Variants in PILRB observed in about 807,000 individuals in gnomAD.
The protein encoded by PILRB is paired immunoglobin like type 2 receptor beta, also known as paired immunoglobulin-like type 2 receptor beta.
PILRB carries 21 observed loss-of-function variants against 20.5 expected under a neutral mutation model. The observed-to-expected ratio is 1.02, with a 90% CI of 0.72 to 1.47. The LOEUF (loss-of-function observed/expected upper bound fraction) is 1.47, where lower values mean the gene tolerates loss of function less well. Among genes scored for constraint, PILRB ranks in the 40% most tolerant of loss-of-function variants. The pLI is 0.00. For synonymous variants in PILRB, 133 were observed against 115.1 expected, an observed-to-expected ratio of 1.16 and a Z score of -0.99; for missense variants, 253 against 272.1, an observed-to-expected ratio of 0.93 and a Z score of 0.49.
chr7:100,364,654 A>G (rs575901660), intron 3 of PILRB, among the ~76,000 whole-genome samples: 95 of 152,366 alleles, frequency 6.2e-4, no homozygotes, highest in African/African-American at 2.2e-3. Flanking sequence ...TAGCCTCCAC[A>G]ATATTAAAAG....
chr7:100,360,816 G>A (rs1304331721), intron 3 of PILRB, among the ~76,000 whole-genome samples: 4 of 152,188 alleles, frequency 2.6e-5, no homozygotes, highest in Non-Finnish European at 4.4e-5. Flanking sequence ...AGAAGCACCC[G>A]TTTCCACTTG....
At chr7:100,366,640 G>A (rs1790694971) in intron 3 of PILRB, among the ~76,000 whole-genome samples, 1 of 152,084 alleles carries the variant, frequency 6.6e-6, no homozygotes, top group Non-Finnish European at 1.5e-5. Flanking sequence ...TGAGTCCCAA[G>A]CATGAGGCTC....
chr7:100,366,870 G>A (rs1790705734), intron 3 of PILRB, among the ~76,000 whole-genome samples: 1 of 152,126 alleles, frequency 6.6e-6, no homozygotes, highest in Non-Finnish European at 1.5e-5. Context: ...GTTTTGCGGG[G>A]GCGGTTTCAG....
intron 3 of PILRB, among the ~76,000 whole-genome samples, chr7:100,365,383 G>C (rs1245200217): frequency 1.3e-5 from 2 of 152,216 alleles, no homozygotes; most frequent in Non-Finnish European, 2.9e-5. Context: ...AAATAAGCTA[G>C]TCACAAAAAG....
intron 2 of PILRB, 81 bp downstream of exon 2, chr7:100,359,160 C>T (rs2130095726): frequency 1.3e-6 from 2 of 1,581,042 alleles, no homozygotes; most frequent in East Asian, 4.5e-5. Context: ...CATTTAAACC[C>T]AGTGGTCTGG....
rs1220991044 is a variant in PILRB at position 100,358,326 on chromosome 7, CCTG to C, written c.30_32del (p.Leu13del). The C allele has an allele frequency of 6.2e-7, 1 of 1,612,880 alleles. No individual in the cohort carries two copies. Among genetic ancestry groups the C allele is most frequent in the Non-Finnish European group, 8.5e-7 (1 of 1,179,994 alleles). On this transcript the variant is annotated inframe_deletion, in exon 1 of 4. Transcript: ENST00000609309. ...CCATGGGTCGGCCCCTGCTGCTGCC[CCTG>C]CTGCTCCTGCTGCAGCCGCCAGCAT...
intron 3 of PILRB, among the ~76,000 whole-genome samples, chr7:100,362,859 A>G (rs963910399): frequency 1.3e-5 from 2 of 152,152 alleles, no homozygotes; most frequent in African/African-American, 2.4e-5. Context: ...GAAGGAATGT[A>G]CAGCAACAAA....
At chr7:100,365,480 C>G (rs1433287419) in intron 3 of PILRB, among the ~76,000 whole-genome samples, 1 of 152,078 alleles carries the variant, frequency 6.6e-6, no homozygotes, top group Non-Finnish European at 1.5e-5. Flanking sequence ...GTCAGGGGCA[C>G]AGAGGAGATG....
At chr7:100,362,994 A>G (rs1790573582) in intron 3 of PILRB, among the ~76,000 whole-genome samples, 1 of 152,220 alleles carries the variant, frequency 6.6e-6, no homozygotes, top group Admixed American at 6.5e-5. Flanking sequence ...CTTCTATTCA[A>G]CACAGGATTT....
At chr7:100,365,381 T>C (rs1312962140) in intron 3 of PILRB, among the ~76,000 whole-genome samples, 1 of 152,216 alleles carries the variant, frequency 6.6e-6, no homozygotes, top group East Asian at 1.9e-4. Flanking sequence ...TGAAATAAGC[T>C]AGTCACAAAA....
At chr7:100,364,680 A>G (rs564792955) in intron 3 of PILRB, among the ~76,000 whole-genome samples, 1 of 152,336 alleles carries the variant, frequency 6.6e-6, no homozygotes, top group South Asian at 2.1e-4. Context: ...CTACCATATG[A>G]TCCAACAATC....
intron 1 of PILRB, 132 bp downstream of exon 1, chr7:100,358,498 G>A: frequency 3.1e-6 from 4 of 1,272,686 alleles, no homozygotes; most frequent in Non-Finnish European, 4.4e-6. Context: ...TCCCATAGGG[G>A]TGGGTGCCGC....
intron 3 of PILRB, among the ~76,000 whole-genome samples, chr7:100,360,260 A>G (rs1015008208): frequency 2.0e-5 from 3 of 152,250 alleles, no homozygotes; most frequent in African/African-American, 7.2e-5. Flanking sequence ...AGCAAAGTAT[A>G]TAAAGCATAG....
chr7:100,361,895 A>G (rs1790537672), intron 3 of PILRB, among the ~76,000 whole-genome samples: 1 of 152,080 alleles, frequency 6.6e-6, no homozygotes, highest in Non-Finnish European at 1.5e-5. Context: ...ATAACCATAG[A>G]GTGGAGACAG....
intron 1 of PILRB, 127 bp downstream of exon 1, chr7:100,358,493 TA>T: frequency 7.8e-7 from 1 of 1,289,002 alleles, no homozygotes; most frequent in Non-Finnish European, 1.1e-6. Context: ...GCGGGTCCCA[TA>T]GGGGTGGGTG....
Position 100,367,243 on chromosome 7 carries a change from C to T in PILRB, c.656-106C>T. On this transcript the variant is annotated intron_variant, in intron 3 of 3. Transcript: ENST00000609309. ...CAAGCCCAGCCTGCCACAAATTCTCCTGAGTTTTTGCCACCTCCCACTTAA... is the reference window on the plus strand; with the variant it reads ...CAAGCCCAGCCTGCCACAAATTCTCTTGAGTTTTTGCCACCTCCCACTTAA... 3.8e-6 allele frequency: 3 copies of T among 793,352 alleles called. No individual in the cohort carries two copies. The South Asian group carries it at 4.0e-5, about 11-fold the overall frequency. The allele number at this position is 793,352 out of a possible 1,614,324, so 49.1% of individuals were successfully genotyped here. A position where few individuals can be genotyped will look rare whatever the true frequency, so the allele number is the denominator to read the frequency against.
chr7:100,359,262 A>C (rs1338917322), intron 2 of PILRB, 75 bp from the exon 3 acceptor site: 2 of 1,549,840 alleles, frequency 1.3e-6, no homozygotes, highest in African/African-American at 2.7e-5. Context: ...CAATCTAGAA[A>C]GCAGCACACC....
chr7:100,359,569 C>T, intron 3 of PILRB, 32 bp downstream of exon 3: 1 of 1,586,076 alleles, frequency 6.3e-7, no homozygotes, highest in Non-Finnish European at 8.7e-7. Context: ...TCTCCTCAAG[C>T]TTCCCAGCTG....
chr7:100,358,310 G>A lies in PILRB; in HGVS notation c.8G>A (p.Arg3Gln), dbSNP rs1400450819. Residue 3 changes from arginine to glutamine, a missense_variant, in exon 1 of 4, where the codon CGG (arginine) becomes CAG (glutamine). By Grantham distance (43) the Arg-to-Gln change is conservative. Coordinates refer to ENST00000609309, the MANE Select transcript of PILRB (RefSeq NM_178238.4). MG[R>Q]PLLLPLLLLL... ...CTGGAGAAGAACAAGGCCATGGGTCGGCCCCTGCTGCTGCCCCTGCTGCTC... is the reference window on the plus strand; with the variant it reads ...CTGGAGAAGAACAAGGCCATGGGTCAGCCCCTGCTGCTGCCCCTGCTGCTC... The A allele has an allele frequency of 4.3e-6, 7 of 1,612,634 alleles. No individual in the cohort carries two copies. The highest frequency in any genetic ancestry group is 2.7e-5 in the African/African-American group (2 of 74,898).
Sources: gnomAD v4.1 joint callset for allele counts (sites outside exome capture counted in the v4.1 genomes callset) on GRCh38, gnomAD v4.1.1 for gene constraint, MANE v1.5 for transcripts, NCBI Gene and HGNC (gene_info 2026-07-23, HGNC 2026-07-21) for gene names.